Variants in NEK7 observed in about 807,000 individuals in gnomAD.
NEK7 encodes NIMA related kinase 7, also known as serine/threonine-protein kinase Nek7.
NEK7 carries 18 observed loss-of-function variants against 44.6 expected under a neutral mutation model. The ratio of observed to expected loss-of-function variants is 0.40; its 90% confidence interval spans 0.28 to 0.60. The LOEUF (loss-of-function observed/expected upper bound fraction) is 0.60, where lower values mean the gene tolerates loss of function less well. Ranked by LOEUF, NEK7 falls within the 20% of genes least tolerant of loss-of-function variation. The pLI, the probability that NEK7 is intolerant of heterozygous loss-of-function variation, is 0.38. For missense variants in NEK7, 256 were observed against 366.5 expected, an observed-to-expected ratio of 0.70 and a Z score of 2.46; for synonymous variants, 130 against 121.1, an observed-to-expected ratio of 1.07 and a Z score of -0.48.
At chr1:198,173,114 C>G (rs1571500641) in intron 1 of NEK7, among the ~76,000 whole-genome samples, 1 of 152,054 alleles carries the variant, frequency 6.6e-6, no homozygotes, top group African/African-American at 2.4e-5. Context: ...TGTTGGGGGC[C>G]TTGTCCATTC....
At chr1:198,180,254 C>CTTTGCTTTTAATATT (rs375557499) in intron 1 of NEK7, among the ~76,000 whole-genome samples, 1,580 of 151,794 alleles carry the variant, frequency 0.01, 13 homozygotes, top group Middle Eastern at 0.017. Context: ...ATTTAAAAGC[C>CTTTGCTTTTAATATT]TTTGCATCAT....
At chr1:198,204,457 C>A (rs1476787154) in intron 1 of NEK7, among the ~76,000 whole-genome samples, 1 of 151,950 alleles carries the variant, frequency 6.6e-6, no homozygotes, top group Non-Finnish European at 1.5e-5. Flanking sequence ...CGGTGGCTCA[C>A]GCCTGTAATC....
At chr1:198,260,505 G>A (rs1009473835) in intron 3 of NEK7, among the ~76,000 whole-genome samples, 1 of 151,246 alleles carries the variant, frequency 6.6e-6, no homozygotes, top group Non-Finnish European at 1.5e-5. Context: ...GTTAACATGA[G>A]TTTACTGTGG....
intron 1 of NEK7, among the ~76,000 whole-genome samples, chr1:198,185,000 T>C (rs1366129510): frequency 6.6e-6 from 1 of 152,044 alleles, no homozygotes; most frequent in Non-Finnish European, 1.5e-5. Flanking sequence ...AATAGAAAGA[T>C]AGTGGTGATT....
rs778123847 is a variant in NEK7 at position 198,278,982 on chromosome 1, A to G, written c.510A>G (p.Thr170=). 13 of 1,609,534 alleles carry G rather than the reference A, an allele frequency of 8.1e-6. No individual in the cohort carries two copies. Among genetic ancestry groups the G allele is most frequent in the Non-Finnish European group, 1.1e-5 (13 of 1,176,618 alleles). ...TAAAACCAGCTAATGTGTTCATTAC[A>G]GCCACTGGGGTGGTAAAACTTGGAG... is the stretch of plus-strand genomic sequence containing the variant. ...RDIKPANVFI[T]ATGVVKLGDL... is the part of the protein sequence containing the mutation. The change falls in exon 7 of 10, where the codon ACA becomes ACG. Residue 170 remains threonine (T), a synonymous_variant. Transcript: ENST00000367385.
At chr1:198,268,724 C>T (rs1056376086) in intron 5 of NEK7, among the ~76,000 whole-genome samples, 7 of 152,090 alleles carry the variant, frequency 4.6e-5, no homozygotes, top group African/African-American at 1.2e-4. Context: ...ACAGAAGATA[C>T]GCTCCCTCAG....
chr1:198,268,678 A>G (rs1030262424), intron 5 of NEK7, among the ~76,000 whole-genome samples: 1 of 152,144 alleles, frequency 6.6e-6, no homozygotes, highest in Non-Finnish European at 1.5e-5. Context: ...GGTAAAGACT[A>G]AAATGTTTGG....
chr1:198,252,567 T>TATATA (rs1307124157), intron 2 of NEK7, among the ~76,000 whole-genome samples: 2 of 50,978 alleles, frequency 3.9e-5, no homozygotes, highest in Admixed American at 2.9e-4. Context: ...TATATATATA[T>TATATA]AAAAAGTACA....
chr1:198,194,113 A>T (rs552651851), intron 1 of NEK7, among the ~76,000 whole-genome samples: 14 of 152,362 alleles, frequency 9.2e-5, no homozygotes, highest in Non-Finnish European at 1.9e-4. Context: ...AAGCAACTTC[A>T]GCAAAGTCTC....
chr1:198,279,923 C>T (rs1482962357), intron 7 of NEK7, among the ~76,000 whole-genome samples: 1 of 151,874 alleles, frequency 6.6e-6, no homozygotes, highest in Non-Finnish European at 1.5e-5. Flanking sequence ...TAAGTAGGTA[C>T]TCAATTAATA....
At chr1:198,309,101 G>A (rs753568936) in intron 9 of NEK7, among the ~76,000 whole-genome samples, 17 of 152,170 alleles carry the variant, frequency 1.1e-4, no homozygotes, top group Non-Finnish European at 1.9e-4. Flanking sequence ...TACACTGGGG[G>A]CCAAGTAGAA....
rs1655554218 is a variant in NEK7, at chr1:198,322,290, T to A, written c.*2768T>A. The A allele has an allele frequency of 6.6e-6, 1 of 152,210 alleles. No individual in the cohort carries two copies. Among genetic ancestry groups the A allele is most frequent in the Non-Finnish European group, 1.5e-5 (1 of 68,016 alleles). The allele number at this position is 152,210 out of a possible 1,614,324, so 9.4% of individuals were successfully genotyped here. A position where few individuals can be genotyped will look rare whatever the true frequency, so the allele number is the denominator to read the frequency against. Reference sequence around the variant, plus strand: ...TTTCAATAGTACTGTAATATGGACATCTTTTGTGAAATACTTTTATTTTGT... The same window carrying A: ...TTTCAATAGTACTGTAATATGGACAACTTTTGTGAAATACTTTTATTTTGT... On this transcript the variant is annotated 3_prime_UTR_variant, in exon 10 of 10. Coordinates refer to ENST00000367385, the MANE Select transcript of NEK7 (RefSeq NM_133494.3).
chr1:198,297,284 C>A, intron 9 of NEK7, 44 bp downstream of exon 9: 1 of 1,603,990 alleles, frequency 6.2e-7, no homozygotes, highest in South Asian at 1.1e-5. Flanking sequence ...GTCCATTTTG[C>A]TAACATTTTT....
chr1:198,199,345 A>C (rs1404098013), intron 1 of NEK7, among the ~76,000 whole-genome samples: 1 of 152,192 alleles, frequency 6.6e-6, no homozygotes, highest in Non-Finnish European at 1.5e-5. Flanking sequence ...AGAGAGACAC[A>C]GGTGTGAGCC....
intron 1 of NEK7, among the ~76,000 whole-genome samples, chr1:198,179,546 G>A (rs994620346): frequency 1.3e-5 from 2 of 152,104 alleles, no homozygotes; most frequent in Non-Finnish European, 2.9e-5. Flanking sequence ...CAAGATGCAT[G>A]AGGATGGCTC....
intron 9 of NEK7, among the ~76,000 whole-genome samples, chr1:198,314,707 A>G (rs145135885): frequency 0.042 from 6,425 of 152,118 alleles, 398 homozygotes; most frequent in African/African-American, 0.12. Context: ...AGGTGTCAGT[A>G]TGCCCCTGCA....
chr1:198,301,336 G>A (rs976523415), intron 9 of NEK7, among the ~76,000 whole-genome samples: 1 of 152,008 alleles, frequency 6.6e-6, no homozygotes, highest in Non-Finnish European at 1.5e-5. Context: ...GGATCACGAA[G>A]TCAGGAGATC....
At chr1:198,252,528 C>CTATAGA (rs1553253584) in intron 2 of NEK7, among the ~76,000 whole-genome samples, 2 of 32,694 alleles carry the variant, frequency 6.1e-5, no homozygotes, top group South Asian at 1.3e-3. Context: ...ATCTCACATA[C>CTATAGA]TATATATATA....
chr1:198,284,895 C>T (rs1287590498), intron 7 of NEK7, among the ~76,000 whole-genome samples: 3 of 152,036 alleles, frequency 2.0e-5, no homozygotes, highest in Non-Finnish European at 4.4e-5. Context: ...ACAGTAATGG[C>T]AATGAATACG....
Sources: allele counts gnomAD v4.1 joint callset (sites outside exome capture counted in the v4.1 genomes callset), GRCh38; gene constraint gnomAD v4.1.1; transcripts MANE v1.5; gene names NCBI Gene and HGNC (gene_info 2026-07-23, HGNC 2026-07-21).